The following AKR1C3 variants were observed in gnomAD, a reference collection of about 807,000 sequenced individuals.
The protein encoded by AKR1C3 is aldo-keto reductase family 1 member C3, also known as 3-alpha hydroxysteroid dehydrogenase, type II.
A neutral mutation model predicts 43.6 loss-of-function variants in AKR1C3; 48 were observed. That is an observed-to-expected ratio of 1.10 (90% confidence interval 0.87 to 1.40). The LOEUF is 1.40. Among genes scored for constraint, AKR1C3 ranks in the 40% most tolerant of loss-of-function variants. AKR1C3 has a pLI of 0.00. For missense variants in AKR1C3, 482 were observed against 391.2 expected, an observed-to-expected ratio of 1.23 and a Z score of -1.96; for synonymous variants, 162 against 139.6, an observed-to-expected ratio of 1.16 and a Z score of -1.13.
At chr10:5,054,108 G>A (rs1178972238) in intron 1 of AKR1C3, among the ~76,000 whole-genome samples, 2 of 152,180 alleles carry the variant, frequency 1.3e-5, no homozygotes, top group Non-Finnish European at 2.9e-5. Context: ...TCCCCGACTG[G>A]TTAGTGTGAA....
At chr10:5,070,645 C>T (rs1838598278) in intron 1 of AKR1C3, among the ~76,000 whole-genome samples, 1 of 152,178 alleles carries the variant, frequency 6.6e-6, no homozygotes, top group African/African-American at 2.4e-5. Flanking sequence ...TTTTCTGTCT[C>T]AATTGGATCT....
intron 3 of AKR1C3, 49 bp from the exon 4 acceptor site, chr10:5,098,753 G>A (rs781788910): frequency 6.7e-7 from 1 of 1,502,376 alleles, no homozygotes; most frequent in Non-Finnish European, 9.3e-7. Context: ...ACAGCTATGA[G>A]TGGAGAAATT....
At chr10:5,049,537 T>C (rs1189821674) in intron 1 of AKR1C3, among the ~76,000 whole-genome samples, 1 of 152,268 alleles carries the variant, frequency 6.6e-6, no homozygotes, top group Non-Finnish European at 1.5e-5. Context: ...CTTGTTCATA[T>C]GCATCAGATT....
At position 5,050,823 on chromosome 10, in the gene AKR1C3, C is replaced by T. The variant is rs188735773; in HGVS notation, c.84+1928C>T. On this transcript the variant is annotated intron_variant, in intron 1 of 8. Coordinates refer to the AKR1C3 transcript ENST00000439082. ...GTATCATACACAACAGTTTACATTT[C>T]TGAAAATTACCAAATATGTTTCATA... Among the ~76,000 whole-genome samples, 335 of 152,216 alleles carry T rather than the reference C, an allele frequency of 2.2e-3. 2 individuals carry two copies. Among genetic ancestry groups the T allele is most frequent in the African/African-American group, 7.9e-3 (326 of 41,520 alleles).
At chr10:5,105,369 C>G in intron 7 of AKR1C3, 1 of 349,168 alleles carries the variant, frequency 2.9e-6, no homozygotes, top group Non-Finnish European at 5.2e-6. Context: ...GAAATTTTCT[C>G]TTTGTCTGCA....
chr10:5,090,569 T>C (rs947170256), upstream of AKR1C3, among the ~76,000 whole-genome samples: 15 of 152,128 alleles, frequency 9.9e-5, no homozygotes, highest in African/African-American at 3.6e-4. Flanking sequence ...GTGGCTCTCA[T>C]GTAGTGTGAG....
chr10:5,073,694 GAA>G (rs1292283164), intron 1 of AKR1C3, among the ~76,000 whole-genome samples: 1 of 152,192 alleles, frequency 6.6e-6, no homozygotes, highest in East Asian at 1.9e-4. Context: ...TGAGAAAAAT[GAA>G]AAGACTGCCA....
At chr10:5,058,671 GTGGACCCTGCTGGT>G (rs1838314090) in intron 1 of AKR1C3, among the ~76,000 whole-genome samples, 1 of 152,166 alleles carries the variant, frequency 6.6e-6, no homozygotes, top group South Asian at 2.1e-4. Flanking sequence ...GCAATGGTCC[GTGGACCCTGCTGGT>G]TGGAATACTT....
chr10:5,080,138 G>A (rs954845400), intron 1 of AKR1C3, among the ~76,000 whole-genome samples: 5 of 151,140 alleles, frequency 3.3e-5, no homozygotes, highest in South Asian at 2.1e-4. Context: ...GCCCATGTCC[G>A]GACATAGGCC....
chr10:5,057,977 G>C (rs888734558), intron 1 of AKR1C3, among the ~76,000 whole-genome samples: 6 of 152,164 alleles, frequency 3.9e-5, no homozygotes, highest in Non-Finnish European at 8.8e-5. Context: ...CCCCAGGTCT[G>C]CCTTGATCTG....
At chr10:5,096,788 C>T (rs1839217329) in intron 2 of AKR1C3, among the ~76,000 whole-genome samples, 1 of 151,918 alleles carries the variant, frequency 6.6e-6, no homozygotes, top group Non-Finnish European at 1.5e-5. Context: ...CCTGAAAGTC[C>T]CTTTACTTTT....
chr10:5,097,371 A>G, intron 2 of AKR1C3, 63 bp from the exon 3 acceptor site: 1 of 1,582,086 alleles, frequency 6.3e-7, no homozygotes, highest in Non-Finnish European at 8.6e-7. Context: ...ACTAGATGGC[A>G]CAAAGTAATA....
In AKR1C3 at chr10:5,094,527, AG is replaced by A; in HGVS notation, c.84+1del. ...GGATTTGGCACCTATGCACCTCCAGAGGTAAGAATAATTCCTTTTAGTTTTC... is the reference window on the plus strand; with the variant it reads ...GGATTTGGCACCTATGCACCTCCAGAGTAAGAATAATTCCTTTTAGTTTTC... ...VLGFGTYAPP[E>X]VPRSKALEVT... On this transcript the variant is annotated frameshift_variant and splice_region_variant, in exon 1 of 9. Transcript: ENST00000380554. LOFTEE classifies it high-confidence loss of function. 1 of 1,612,588 alleles carries A rather than the reference AG, an allele frequency of 6.2e-7. No individual in the cohort carries two copies. The highest frequency in any genetic ancestry group is 8.5e-7 in the Non-Finnish European group (1 of 1,178,804).
intron 5 of AKR1C3, among the ~76,000 whole-genome samples, chr10:5,100,980 A>C (rs1255842846): frequency 1.3e-5 from 2 of 152,242 alleles, no homozygotes; most frequent in African/African-American, 2.4e-5. Flanking sequence ...TCACCTCTAT[A>C]GACCTAAATA....
rs1937839 is a variant in AKR1C3 at position 5,099,338 on chromosome 10, G to A, written c.459G>A (p.Lys153=). Residue 153 remains lysine, a synonymous_variant, in exon 5 of 9, where the codon AAG becomes AAA. Coordinates refer to ENST00000380554, the MANE Select transcript of AKR1C3 (RefSeq NM_003739.6). The part of the protein sequence containing the change: ...DLCTTWEAME[K]CKDAGLAKSI... ...CCCTTTCTCCACAGGCCATGGAGAAGTGTAAGGATGCAGGATTGGCCAAGT... is the reference window on the plus strand; with the variant it reads ...CCCTTTCTCCACAGGCCATGGAGAAATGTAAGGATGCAGGATTGGCCAAGT... The A allele has an allele frequency of 3.2e-3, 5,165 of 1,614,118 alleles. 138 individuals carry two copies. The African/African-American group carries it at 0.059, about 19-fold the overall frequency.
intron 1 of AKR1C3, among the ~76,000 whole-genome samples, chr10:5,059,404 G>A (rs1358050703): frequency 6.6e-6 from 1 of 152,174 alleles, no homozygotes; most frequent in Admixed American, 6.5e-5. Flanking sequence ...TCACTTGGGC[G>A]ACATGCCTTT....
At chr10:5,101,951 T>G in intron 5 of AKR1C3, 150 bp from the exon 6 acceptor site, 6 of 563,628 alleles carry the variant, frequency 1.1e-5, no homozygotes, top group Non-Finnish European at 1.9e-5. Flanking sequence ...AAAATTTATT[T>G]CTATGAAAAA....
At chr10:5,104,071 G>A (rs1839431197) in intron 7 of AKR1C3, among the ~76,000 whole-genome samples, 1 of 152,076 alleles carries the variant, frequency 6.6e-6, no homozygotes, top group Non-Finnish European at 1.5e-5. Flanking sequence ...CATATGTGCT[G>A]TGGTTTTCTC....
chr10:5,097,178 ATTAC>A (rs369772077), intron 2 of AKR1C3, among the ~76,000 whole-genome samples: 47 of 152,254 alleles, frequency 3.1e-4, no homozygotes, highest in African/African-American at 1.1e-3. Context: ...CATCATAGTT[ATTAC>A]TTAATACTAA....
Sources: allele counts gnomAD v4.1 joint callset (sites outside exome capture counted in the v4.1 genomes callset), GRCh38; gene constraint gnomAD v4.1.1; transcripts MANE v1.5; gene names NCBI Gene and HGNC (gene_info 2026-07-23, HGNC 2026-07-21).